Variants in CDH18 observed in about 807,000 individuals in gnomAD.
The protein encoded by CDH18 is cadherin 18, also known as cadherin-18.
Under a neutral mutation model 67.9 loss-of-function variants are expected in CDH18, and 31 were observed. That is an observed-to-expected ratio of 0.46 (90% CI 0.34 to 0.62). The LOEUF (loss-of-function observed/expected upper bound fraction) is 0.62. Ranked by LOEUF, CDH18 falls within the 20% of genes least tolerant of loss-of-function variation. CDH18 has a pLI of 0.01. For synonymous variants in CDH18, 362 were observed against 347.2 expected (o/e 1.04, Z -0.48); for missense variants, 890 against 975.5 (o/e 0.91, Z 1.17).
At chr5:19,940,854 AT>A (rs921854264) in intron 2 of CDH18, among the ~76,000 whole-genome samples, 5 of 152,004 alleles carry the variant, frequency 3.3e-5, no homozygotes, top group African/African-American at 7.2e-5. Flanking sequence ...TTGTTTGCAT[AT>A]TTTTTCCCCA....
chr5:20,227,200 C>T (rs376171688), intron 2 of CDH18, among the ~76,000 whole-genome samples: 2 of 152,146 alleles, frequency 1.3e-5, no homozygotes, highest in African/African-American at 2.4e-5. Flanking sequence ...AGCTCCTACA[C>T]GTGGGATTTC....
chr5:20,093,927 AAGG>A (rs893242850), intron 2 of CDH18, among the ~76,000 whole-genome samples: 3 of 152,190 alleles, frequency 2.0e-5, no homozygotes, highest in Admixed American at 6.5e-5. Context: ...TTTGAAGAGA[AAGG>A]AGAATAATCC....
At chr5:19,629,226 A>G (rs1020108259) in intron 5 of CDH18, among the ~76,000 whole-genome samples, 1 of 152,218 alleles carries the variant, frequency 6.6e-6, no homozygotes, top group Non-Finnish European at 1.5e-5. Flanking sequence ...TGGCTTAAGT[A>G]TCTGAGTCAG....
Position 20,085,865 on chromosome 5 carries a change from C to T in CDH18, c.-517-93851G>A, listed in dbSNP as rs6868604. On this transcript the variant is annotated intron_variant, in intron 2 of 14. Transcript: ENST00000507958. The stretch of plus-strand genomic sequence containing the variant: ...TCAAGATGAGATTTGGGTGGAGACA[C>T]AGCCAAACCATACTAATTAGTAATC... 2.8e-3 allele frequency among the ~76,000 whole-genome samples: 427 copies of T among 152,286 alleles called. 2 individuals carry two copies. Among genetic ancestry groups the T allele is most frequent in the African/African-American group, 9.7e-3 (402 of 41,572 alleles).
intron 2 of CDH18, among the ~76,000 whole-genome samples, chr5:19,948,541 G>C (rs1795486412): frequency 6.6e-6 from 1 of 152,164 alleles, no homozygotes; most frequent in Admixed American, 6.6e-5. Context: ...AAGGGTTTCT[G>C]TTTAGTGCAG....
At chr5:19,780,318 A>G (rs911523974) in intron 3 of CDH18, among the ~76,000 whole-genome samples, 2 of 152,144 alleles carry the variant, frequency 1.3e-5, no homozygotes, top group East Asian at 1.9e-4. Flanking sequence ...TGTCGATAAG[A>G]GACAGAAAAG....
intron 12 of CDH18, chr5:19,478,758 T>G (rs926444637): frequency 3.3e-5 from 5 of 152,128 alleles, no homozygotes; most frequent in African/African-American, 1.2e-4. Context: ...TGCCAACTAC[T>G]CTAGTCCCTC....
chr5:20,029,664 A>G (rs1272298892), intron 2 of CDH18, among the ~76,000 whole-genome samples: 1 of 152,234 alleles, frequency 6.6e-6, no homozygotes, highest in African/African-American at 2.4e-5. Context: ...GTGAAACAGA[A>G]TAGTGAATTT....
At chr5:20,163,123 A>C (rs944198599) in intron 2 of CDH18, among the ~76,000 whole-genome samples, 1 of 152,066 alleles carries the variant, frequency 6.6e-6, no homozygotes, top group Non-Finnish European at 1.5e-5. Context: ...AGAATCAATC[A>C]TTATAAATAT....
chr5:19,919,638 G>C lies in CDH18; in HGVS notation c.-257+61422C>G, dbSNP rs548329573. On this transcript the variant is annotated intron_variant, in intron 2 of 12. Coordinates refer to ENST00000382275, the MANE Select transcript of CDH18 (RefSeq NM_004934.5). ...ATAAATTATAAGGGTAGTAGATATG[G>C]AATTTGTCTTTCTAGTAGAGGACCA... Among the ~76,000 whole-genome samples, 7 of 152,242 alleles carry C rather than the reference G, an allele frequency of 4.6e-5. No individual in the cohort carries two copies. The East Asian group carries it at 1.4e-3, about 29-fold the overall frequency.
At chr5:20,229,656 G>T (rs1449556487) in intron 2 of CDH18, among the ~76,000 whole-genome samples, 1 of 151,786 alleles carries the variant, frequency 6.6e-6, no homozygotes, top group Non-Finnish European at 1.5e-5. Flanking sequence ...CATCTTATTA[G>T]ATTTACTAAT....
chr5:19,867,908 G>T (rs529220660), intron 2 of CDH18, among the ~76,000 whole-genome samples: 1 of 152,144 alleles, frequency 6.6e-6, no homozygotes, highest in Non-Finnish European at 1.5e-5. Context: ...TCATGGAGGT[G>T]CTTACCCCCA....
chr5:20,241,525 G>C (rs1337104337), intron 2 of CDH18, among the ~76,000 whole-genome samples: 2 of 152,032 alleles, frequency 1.3e-5, no homozygotes, highest in Non-Finnish European at 2.9e-5. Context: ...ATGATTATTT[G>C]TAACTCTTCA....
chr5:20,038,337 C>T (rs990059948), intron 2 of CDH18, among the ~76,000 whole-genome samples: 2 of 152,170 alleles, frequency 1.3e-5, no homozygotes, highest in Non-Finnish European at 2.9e-5. Context: ...GGACTCATCC[C>T]TAACTCATAT....
intron 3 of CDH18, among the ~76,000 whole-genome samples, chr5:19,785,960 G>A (rs1182952627): frequency 2.6e-5 from 4 of 151,426 alleles, no homozygotes; most frequent in Non-Finnish European, 4.4e-5. Context: ...AAGAGACAAG[G>A]GAAGTGATGG....
rs1032411189 is a variant in CDH18, at chr5:19,737,940, T to C, written c.523+9002A>G. 3.3e-5 allele frequency among the ~76,000 whole-genome samples: 5 copies of C among 152,260 alleles called. 1 individual carries two copies. In the East Asian group the frequency reaches 9.7e-4, roughly 29 times the overall value. ...AAGAAAGAAACAACATAAATTGTTA[T>C]TATTAGGATCTATATATGTGACATT... On this transcript the variant is annotated intron_variant, in intron 4 of 12. Coordinates refer to ENST00000382275, the MANE Select transcript of CDH18 (RefSeq NM_004934.5).
At chr5:19,820,705 C>T (rs2149943942) in intron 3 of CDH18, among the ~76,000 whole-genome samples, 1 of 152,292 alleles carries the variant, frequency 6.6e-6, no homozygotes, top group African/African-American at 2.4e-5. Flanking sequence ...TCCCCCAAGG[C>T]CCAGGAATGG....
chr5:20,303,156 A>T (rs573695304), intron 1 of CDH18, among the ~76,000 whole-genome samples: 1 of 152,316 alleles, frequency 6.6e-6, no homozygotes, highest in Non-Finnish European at 1.5e-5. Flanking sequence ...TCAATTGGTC[A>T]TAGTTTTCAT....
chr5:19,764,686 T>C (rs1772845257), intron 3 of CDH18, among the ~76,000 whole-genome samples: 2 of 151,748 alleles, frequency 1.3e-5, no homozygotes, highest in African/African-American at 4.8e-5. Context: ...TATATCTTTA[T>C]AACCATATAT....
Sources: allele counts gnomAD v4.1 joint callset (sites outside exome capture counted in the v4.1 genomes callset), GRCh38; gene constraint gnomAD v4.1.1; transcripts MANE v1.5; gene names NCBI Gene and HGNC (gene_info 2026-07-23, HGNC 2026-07-21).